ELF2: variants seen among roughly 807,000 people sequenced by gnomAD.
ELF2 encodes ETS-related transcription factor Elf-2.
A neutral mutation model predicts 54.8 loss-of-function variants in ELF2; 11 were observed. That is an observed-to-expected ratio of 0.20 (90% CI 0.13 to 0.33). The LOEUF is 0.33. Among genes scored for constraint, ELF2 ranks in the 10% least tolerant of loss-of-function variants. The pLI, the probability that ELF2 is intolerant of heterozygous loss-of-function variation, is 1.00. For synonymous variants in ELF2, 203 were observed against 245.1 expected, an observed-to-expected ratio of 0.83 and a Z score of 1.61; for missense variants, 513 against 703.0, an observed-to-expected ratio of 0.73 and a Z score of 3.06.
At chr4:139,134,550 T>C (rs1471306906) in intron 3 of ELF2, among the ~76,000 whole-genome samples, 1 of 151,082 alleles carries the variant, frequency 6.6e-6, no homozygotes, top group African/African-American at 2.4e-5. Flanking sequence ...TTGTATTGTA[T>C]TGTTTTATTT....
At chr4:139,083,993 C>A (rs1368600929) in intron 4 of ELF2, 10 of 1,416,726 alleles carry the variant, frequency 7.1e-6, no homozygotes, top group East Asian at 2.4e-5. Flanking sequence ...TTCACTCCCC[C>A]CTTTCCCCCA....
intron 7 of ELF2, among the ~76,000 whole-genome samples, chr4:139,062,851 G>T (rs1728081990): frequency 6.6e-6 from 1 of 152,154 alleles, no homozygotes. Context: ...TCACCTACAG[G>T]CATGAACTCT....
intron 4 of ELF2, among the ~76,000 whole-genome samples, chr4:139,101,180 T>C (rs914459937): frequency 2.0e-5 from 3 of 152,202 alleles, no homozygotes; most frequent in African/African-American, 7.2e-5. Context: ...ATTATAACAC[T>C]AATATTATTA....
chr4:139,119,142 A>G (rs537599711), intron 4 of ELF2, among the ~76,000 whole-genome samples: 1 of 152,352 alleles, frequency 6.6e-6, no homozygotes, highest in African/African-American at 2.4e-5. Flanking sequence ...TAATTCCTTA[A>G]TTCTATGTCC....
intron 4 of ELF2, among the ~76,000 whole-genome samples, chr4:139,078,473 T>C (rs1305580899): frequency 6.6e-6 from 1 of 151,922 alleles, no homozygotes; most frequent in Non-Finnish European, 1.5e-5. Flanking sequence ...GGGGAAAAGG[T>C]AATTAAAGGT....
rs1197504300 is a variant in ELF2 at position 139,057,487 on chromosome 4, A to G, written c.*1496T>C. On this transcript the variant is annotated 3_prime_UTR_variant, in exon 10 of 10. Coordinates refer to ENST00000686138, the MANE Select transcript of ELF2 (RefSeq NM_001331036.3). ...GAGTGACAGACAGTAGTAAAATTAC[A>G]TAGTTTATGTAATCCTTCAGATACC... 6.6e-6 allele frequency: 1 copy of G among 152,258 alleles called. No individual in the cohort carries two copies. Among genetic ancestry groups the G allele is most frequent in the Non-Finnish European group, 1.5e-5 (1 of 68,040 alleles). 9.4% of individuals were successfully genotyped at this position (152,258 alleles called of 1,614,324 possible). A position where few individuals can be genotyped will look rare whatever the true frequency, so the allele number is the denominator to read the frequency against.
At chr4:139,073,672 TAAATA>T (rs1729849160) in intron 4 of ELF2, 105 bp from the exon 5 acceptor site, 3 of 505,330 alleles carry the variant, frequency 5.9e-6, no homozygotes, top group Admixed American at 8.3e-5. Flanking sequence ...AAATGAAAAA[TAAATA>T]AATATAAAAT....
chr4:139,106,412 A>G (rs552940655), intron 4 of ELF2, among the ~76,000 whole-genome samples: 41 of 152,340 alleles, frequency 2.7e-4, no homozygotes, highest in African/African-American at 9.6e-4. Context: ...GACAGTTAAA[A>G]TAATACATGG....
At chr4:139,108,290 A>G (rs1734621700) in intron 4 of ELF2, among the ~76,000 whole-genome samples, 1 of 152,206 alleles carries the variant, frequency 6.6e-6, no homozygotes, top group Admixed American at 6.5e-5. Context: ...TTTGCAGATG[A>G]GGAAACTCGT....
At chr4:139,067,436 A>C (rs897608683) in intron 7 of ELF2, 3 of 430,330 alleles carry the variant, frequency 7.0e-6, no homozygotes, top group East Asian at 3.4e-5. Flanking sequence ...CATCCTTTGG[A>C]CTTTTTCCAA....
At chr4:139,103,484 C>T (rs959640794) in intron 4 of ELF2, among the ~76,000 whole-genome samples, 1 of 152,210 alleles carries the variant, frequency 6.6e-6, no homozygotes, top group African/African-American at 2.4e-5. Context: ...AATCAAGCTT[C>T]CATAAAAACC....
chr4:139,079,342 A>G (rs547578995), intron 4 of ELF2, among the ~76,000 whole-genome samples: 7 of 152,278 alleles, frequency 4.6e-5, no homozygotes, highest in African/African-American at 1.7e-4. Flanking sequence ...TCCTCTTTCA[A>G]TCTATTGGAA....
chr4:139,092,667 G>A (rs1017338534), intron 4 of ELF2, among the ~76,000 whole-genome samples: 27 of 151,934 alleles, frequency 1.8e-4, no homozygotes, highest in Admixed American at 7.2e-4. Flanking sequence ...CAGACATGGC[G>A]GTGGCCGCCT....
intron 4 of ELF2, chr4:139,116,782 G>C: frequency 1.1e-6 from 1 of 942,080 alleles, no homozygotes; most frequent in Non-Finnish European, 1.3e-6. Context: ...AATTAAAGGA[G>C]TCCTTTTGTG....
chr4:139,060,178 T>C (rs1207071771), intron 9 of ELF2, 146 bp downstream of exon 9: 1 of 738,810 alleles, frequency 1.4e-6, no homozygotes, highest in Non-Finnish European at 2.1e-6. Context: ...CAATAAAAAA[T>C]ATAATTAAAA....
rs988809489 is a variant in ELF2 at position 139,060,339 on chromosome 4, G to T, written c.1142C>A (p.Ala381Glu). The change falls in exon 9 of 10, where the codon GCA (alanine) becomes GAA (glutamate). Residue 381 changes from alanine to glutamate, a missense_variant. By Grantham distance (107) the Ala-to-Glu change is moderately radical. Around this residue, in one of 3 missense-constraint regions of ELF2, gnomAD observed 291 missense variants for 366.1 expected, o/e 0.79. Coordinates refer to ENST00000686138, the MANE Select transcript of ELF2 (RefSeq NM_001331036.3). ...CTTCACTTACCTTGGAGCTGCTGTTGCTGACACAGATGCAGTGGTAGTAGG... is the reference window on the plus strand; with the variant it reads ...CTTCACTTACCTTGGAGCTGCTGTTTCTGACACAGATGCAGTGGTAGTAGG... ...RSPTTTASVS[A>E]TAAPRTVRVA... 3.1e-6 allele frequency: 5 copies of T among 1,603,690 alleles called. No individual in the cohort carries two copies. The Admixed American group carries it at 6.8e-5, about 22-fold the overall frequency.
At chr4:139,110,855 C>T (rs1734879431) in intron 4 of ELF2, among the ~76,000 whole-genome samples, 1 of 152,090 alleles carries the variant, frequency 6.6e-6, no homozygotes, top group Non-Finnish European at 1.5e-5. Context: ...ATCTTCCATA[C>T]TTCTATTGTA....
chr4:139,167,399 T>C (rs1741831114), intron 1 of ELF2, among the ~76,000 whole-genome samples: 1 of 152,240 alleles, frequency 6.6e-6, no homozygotes, highest in Non-Finnish European at 1.5e-5. Context: ...GAAGGGTTTA[T>C]AAATCTGAGA....
intron 1 of ELF2, among the ~76,000 whole-genome samples, chr4:139,173,334 T>G (rs559644721): frequency 6.6e-6 from 1 of 152,170 alleles, no homozygotes; most frequent in East Asian, 1.9e-4. Flanking sequence ...TGACAACACA[T>G]CTACACAAAA....
Sources: allele counts gnomAD v4.1 joint callset (sites outside exome capture counted in the v4.1 genomes callset), GRCh38; gene constraint gnomAD v4.1.1; regional missense constraint gnomAD v4.1.1; transcripts MANE v1.5; gene names NCBI Gene and HGNC (gene_info 2026-07-23, HGNC 2026-07-21).